Variants in SSH2 observed in about 807,000 individuals in gnomAD.
SSH2 encodes slingshot protein phosphatase 2.
In SSH2, 37 loss-of-function variants were observed where a neutral mutation model predicts 135.2. The ratio of observed to expected loss-of-function variants is 0.27; its 90% CI spans 0.21 to 0.36. SSH2 has a LOEUF of 0.36. Among genes scored for constraint, SSH2 ranks in the 10% least tolerant of loss-of-function variants. The pLI is 1.00. For synonymous variants in SSH2, 628 were observed against 646.2 expected, an observed-to-expected ratio of 0.97 and a Z score of 0.43; for missense variants, 1,408 against 1,765.3, an observed-to-expected ratio of 0.80 and a Z score of 3.63.
chr17:29,913,347 A>AAATTATAT lies in SSH2; in HGVS notation c.63+16590_63+16591insATATAATT. 4.5e-4 allele frequency among the ~76,000 whole-genome samples: 13 copies of AAATTATAT among 28,786 alleles called. 3 individuals are homozygous for AAATTATAT. In the East Asian group the frequency reaches 0.016, roughly 34 times the overall value. 18.9% of individuals were successfully genotyped at this position (28,786 alleles called of 152,430 possible). ...AAAAAAAAAAAAAAAAAAAAAAAAAAATATATATATATATATATATATATA... is the reference window on the plus strand; with the variant it reads ...AAAAAAAAAAAAAAAAAAAAAAAAAAAATTATATATATATATATATATATATATATATA... On this transcript the variant is annotated intron_variant, in intron 1 of 15. Coordinates refer to ENST00000540801, the MANE Select transcript of SSH2 (RefSeq NM_001282129.2).
intron 1 of SSH2, among the ~76,000 whole-genome samples, chr17:29,863,206 G>A (rs1252845689): frequency 6.6e-6 from 1 of 152,080 alleles, no homozygotes; most frequent in African/African-American, 2.4e-5. Context: ...TCCTGGCCTA[G>A]AGCACACAAT....
At chr17:29,646,616 T>C (rs1187675721) in intron 14 of SSH2, among the ~76,000 whole-genome samples, 3 of 151,926 alleles carry the variant, frequency 2.0e-5, no homozygotes, top group Admixed American at 1.3e-4. Context: ...TATCCTGCCT[T>C]AGCCTCCCGA....
chr17:29,652,205 C>T (rs1030337148), intron 12 of SSH2, among the ~76,000 whole-genome samples: 5 of 152,040 alleles, frequency 3.3e-5, no homozygotes, highest in African/African-American at 9.7e-5. Flanking sequence ...CAAGGGTAAA[C>T]ACAAAATTAC....
At position 29,641,937 on chromosome 17, in the gene SSH2, C is replaced by CTT. The variant is rs34380761; in HGVS notation, c.1428-5137_1428-5136dup. Among the ~76,000 whole-genome samples, 648 of 139,496 alleles carry CTT rather than the reference C, an allele frequency of 4.6e-3. 1 individual carries two copies. The highest frequency in any genetic ancestry group is 6.8e-3 in the Non-Finnish European group (438 of 64,606). 91.5% of individuals were successfully genotyped at this position (139,496 alleles called of 152,430 possible). On this transcript the variant is annotated intron_variant, in intron 14 of 15. Coordinates refer to ENST00000540801, the MANE Select transcript of SSH2 (RefSeq NM_001282129.2). ...CTAGCCTGGGCAATATAGACATTGT[C>CTT]TTTTTTTTTTTTTTTTTTAAAAAAA...
At chr17:29,853,762 AG>A (rs1399984775) in intron 1 of SSH2, among the ~76,000 whole-genome samples, 1 of 151,760 alleles carries the variant, frequency 6.6e-6, no homozygotes, top group African/African-American at 2.4e-5. Flanking sequence ...TCGATCTATT[AG>A]GGTTGTTGGA....
At chr17:29,742,289 A>C (rs2264352) in intron 3 of SSH2, among the ~76,000 whole-genome samples, 34,459 of 150,432 alleles carry the variant, frequency 0.23, 4,598 homozygotes, top group African/African-American at 0.38. Flanking sequence ...AACAAACAAA[A>C]AAAAAATCAC....
chr17:29,881,651 G>GCCA (rs2066140102), intron 1 of SSH2, among the ~76,000 whole-genome samples: 1 of 151,954 alleles, frequency 6.6e-6, no homozygotes, highest in Non-Finnish European at 1.5e-5. Flanking sequence ...ATAGGCACCT[G>GCCA]CCACCGCACC....
At chr17:29,790,627 C>T (rs1381567235) in intron 3 of SSH2, among the ~76,000 whole-genome samples, 1 of 152,010 alleles carries the variant, frequency 6.6e-6, no homozygotes, top group Non-Finnish European at 1.5e-5. Context: ...TTTTGATGCA[C>T]AGAAGTTTGA....
At chr17:29,701,224 G>C (rs2038964630) in intron 4 of SSH2, among the ~76,000 whole-genome samples, 2 of 152,016 alleles carry the variant, frequency 1.3e-5, no homozygotes, top group Non-Finnish European at 2.9e-5. Flanking sequence ...GCCCGTCTCA[G>C]CCTCCCAAAG....
intron 3 of SSH2, among the ~76,000 whole-genome samples, chr17:29,761,871 G>A (rs7215080): frequency 0.037 from 3,679 of 98,570 alleles, 134 homozygotes; most frequent in African/African-American, 0.14. Context: ...GTGTGTGTGT[G>A]TATATATATA....
intron 1 of SSH2, among the ~76,000 whole-genome samples, chr17:29,865,317 G>A (rs930810135): frequency 6.6e-6 from 1 of 152,282 alleles, no homozygotes; most frequent in East Asian, 1.9e-4. Flanking sequence ...TAACATCAGA[G>A]CTTGGAGGGA....
intron 2 of SSH2, among the ~76,000 whole-genome samples, chr17:29,803,406 G>T (rs1319244383): frequency 6.6e-6 from 1 of 152,144 alleles, no homozygotes; most frequent in Non-Finnish European, 1.5e-5. Flanking sequence ...AATGTAAACT[G>T]GAGTGCCTAA....
intron 1 of SSH2, among the ~76,000 whole-genome samples, chr17:29,869,756 C>T (rs1257438698): frequency 2.0e-5 from 3 of 152,198 alleles, no homozygotes; most frequent in African/African-American, 2.4e-5. Context: ...CTTTTGACAA[C>T]GGCTTTTTCT....
intron 14 of SSH2, among the ~76,000 whole-genome samples, chr17:29,642,838 T>C (rs115013559): frequency 0.011 from 1,706 of 152,276 alleles, 33 homozygotes; most frequent in African/African-American, 0.037. Context: ...GGAGTCACTT[T>C]GAAAACTTCT....
At position 29,631,499 on chromosome 17, in the gene SSH2, G is replaced by T. The variant is rs370402850; in HGVS notation, c.3695C>A (p.Pro1232Gln). The change falls in exon 16 of 16, where the codon CCA (proline) becomes CAA (glutamine). Residue 1232 changes from proline (P) to glutamine (Q), a missense_variant. By Grantham distance (76) the Pro-to-Gln change is moderately conservative. Coordinates refer to ENST00000540801, the MANE Select transcript of SSH2 (RefSeq NM_001282129.2). ...TGGGAGTCGACAGGCTACAGGCAATGGGTCCATTTTCTCCTGTAACTCCCC... is the reference window on the plus strand; with the variant it reads ...TGGGAGTCGACAGGCTACAGGCAATTGGTCCATTTTCTCCTGTAACTCCCC... ...NTGELQEKMDPLPVACRLPHS... is the reference protein window; with the variant it reads ...NTGELQEKMDQLPVACRLPHS... The T allele has an allele frequency of 6.2e-7, 1 of 1,614,130 alleles. No homozygotes were observed. Among genetic ancestry groups the T allele is most frequent in the South Asian group, 1.1e-5 (1 of 91,072 alleles).
chr17:29,848,124 C>T (rs536735235), intron 2 of SSH2, among the ~76,000 whole-genome samples: 2 of 152,302 alleles, frequency 1.3e-5, no homozygotes, highest in African/African-American at 4.8e-5. Context: ...GGGGGATTAT[C>T]TGTCCTGCAT....
intron 3 of SSH2, among the ~76,000 whole-genome samples, chr17:29,717,498 A>AC (rs1329415462): frequency 8.5e-5 from 13 of 152,188 alleles, no homozygotes; most frequent in African/African-American, 2.7e-4. Context: ...ATTTGAACAC[A>AC]CATGTCCATC....
chr17:29,661,029 C>T (rs1449942347), intron 11 of SSH2, among the ~76,000 whole-genome samples: 1 of 148,070 alleles, frequency 6.8e-6, no homozygotes, highest in East Asian at 2.0e-4. Context: ...CCATTGCACT[C>T]CAGCCTGGGC....
At chr17:29,778,591 G>A (rs1019375827) in intron 3 of SSH2, among the ~76,000 whole-genome samples, 2 of 151,940 alleles carry the variant, frequency 1.3e-5, no homozygotes, top group African/African-American at 4.8e-5. Context: ...AGTGAGCCGA[G>A]ATCACGCCAC....
Sources: allele counts gnomAD v4.1 joint callset (sites outside exome capture counted in the v4.1 genomes callset), GRCh38; gene constraint gnomAD v4.1.1; transcripts MANE v1.5; gene names NCBI Gene and HGNC (gene_info 2026-07-23, HGNC 2026-07-21).